Variants in TP63 observed in about 807,000 individuals in gnomAD.
The protein encoded by TP63 is tumor protein 63.
Under a neutral mutation model 82.8 loss-of-function variants are expected in TP63, and 17 were observed. That is an observed-to-expected ratio of 0.21 (90% confidence interval 0.14 to 0.31). The LOEUF is 0.31. Ranked by LOEUF, TP63 falls within the 10% of genes least tolerant of loss-of-function variation. TP63 has a pLI of 1.00. For missense variants in TP63, 648 were observed against 895.3 expected (o/e 0.72, Z 3.52); for synonymous variants, 330 against 321.7 (o/e 1.03, Z -0.28).
At chr3:189,641,028 A>C (rs554821186) in intron 1 of TP63, among the ~76,000 whole-genome samples, 3 of 152,166 alleles carry the variant, frequency 2.0e-5, no homozygotes, top group African/African-American at 4.8e-5. Flanking sequence ...AGTACATTTA[A>C]GAAGATTTGT....
intron 3 of TP63, among the ~76,000 whole-genome samples, chr3:189,791,256 G>A (rs111665649): frequency 2.8e-4 from 42 of 152,094 alleles, no homozygotes; most frequent in South Asian, 1.5e-3. Flanking sequence ...TTTATAAGCC[G>A]CCTAGGATCT....
chr3:189,697,254 A>G (rs1481214620), intron 1 of TP63, among the ~76,000 whole-genome samples: 1 of 117,686 alleles, frequency 8.5e-6, no homozygotes, highest in Non-Finnish European at 1.7e-5. Context: ...TTTTTTGCAT[A>G]TGGACACTCG....
chr3:189,850,402 A>T (rs1237475791), intron 4 of TP63, among the ~76,000 whole-genome samples: 1 of 152,226 alleles, frequency 6.6e-6, no homozygotes, highest in East Asian at 1.9e-4. Context: ...TATTGCTTCA[A>T]ATCTTTTCCT....
intron 1 of TP63, among the ~76,000 whole-genome samples, chr3:189,725,480 C>G (rs1022112287): frequency 6.6e-6 from 1 of 152,160 alleles, no homozygotes; most frequent in African/African-American, 2.4e-5. Flanking sequence ...GCCACCAAAA[C>G]TTAATAATAC....
At chr3:189,645,441 T>C in intron 1 of TP63, 1 of 364,504 alleles carries the variant, frequency 2.7e-6, no homozygotes, top group African/African-American at 2.1e-5. Flanking sequence ...CTGGTCTATT[T>C]CTAGGATTAT....
chr3:189,607,220 C>T, the TP63 span, among the ~76,000 whole-genome samples: 3 of 152,100 alleles, frequency 2.0e-5, no homozygotes, highest in African/African-American at 7.2e-5. Context: ...ATGTGATATC[C>T]TCAATTAGAT....
intron 10 of TP63, chr3:189,879,977 A>G: frequency 3.3e-6 from 5 of 1,535,092 alleles, no homozygotes; most frequent in East Asian, 2.3e-5. Flanking sequence ...TCATGAAGGT[A>G]TAAGGAGTGT....
chr3:189,737,603 G>T (rs938229121), intron 1 of TP63, 137 bp from the exon 2 acceptor site: 1 of 1,123,830 alleles, frequency 8.9e-7, no homozygotes, highest in Non-Finnish European at 1.3e-6. Flanking sequence ...TGTGCAACTT[G>T]TAACATGTGC....
chr3:189,843,290 G>GGCTC (rs1714396650), intron 4 of TP63, among the ~76,000 whole-genome samples: 2 of 112,152 alleles, frequency 1.8e-5, no homozygotes, highest in African/African-American at 8.2e-5. Flanking sequence ...AGGCCCAGTG[G>GGCTC]GCTCCTGGCT....
At chr3:189,713,749 T>G (rs1037373293) in intron 1 of TP63, among the ~76,000 whole-genome samples, 17 of 152,158 alleles carry the variant, frequency 1.1e-4, no homozygotes, top group African/African-American at 4.1e-4. Context: ...TATATCCCTC[T>G]TCATAATTAT....
chr3:189,730,601 C>G (rs1343869266), intron 1 of TP63, among the ~76,000 whole-genome samples: 1 of 152,296 alleles, frequency 6.6e-6, no homozygotes, highest in East Asian at 1.9e-4. Flanking sequence ...CCTTGCTGAA[C>G]GTAAAGATCA....
chr3:189,711,362 C>T (rs1718580768), intron 1 of TP63, among the ~76,000 whole-genome samples: 1 of 152,116 alleles, frequency 6.6e-6, no homozygotes, highest in Non-Finnish European at 1.5e-5. Flanking sequence ...GGTTCTACCT[C>T]ATCTTTAGCA....
intron 13 of TP63, among the ~76,000 whole-genome samples, chr3:189,892,485 G>T (rs967538384): frequency 6.6e-6 from 1 of 152,116 alleles, no homozygotes; most frequent in African/African-American, 2.4e-5. Flanking sequence ...AAGAATCCAA[G>T]AAACATAAAA....
At chr3:189,863,216 G>GC (rs57898901) in intron 4 of TP63, among the ~76,000 whole-genome samples, 8,549 of 152,066 alleles carry the variant, frequency 0.056, 317 homozygotes, top group Middle Eastern at 0.14. Flanking sequence ...GTTACTAGGT[G>GC]CCCCACTCTT....
At chr3:189,695,628 A>T in intron 1 of TP63, among the ~76,000 whole-genome samples, 1 of 152,200 alleles carries the variant, frequency 6.6e-6, no homozygotes, top group South Asian at 2.1e-4. Flanking sequence ...AAATATTTCT[A>T]TGTGGAACTA....
chr3:189,894,320 A>G lies in TP63; in HGVS notation c.1861A>G (p.Ser621Gly), dbSNP rs1379436019. Residue 621 changes from serine to glycine, a missense_variant, in exon 14 of 14, where the codon AGC (serine) becomes GGC (glycine). Ser to Gly is a moderately conservative substitution (Grantham distance 56). Transcript: ENST00000264731. ...CCCTTCTCATCTCCTGCGGACCCCA[A>G]GCAGTGCCTCTACAGTCAGTGTGGG... ...SSPSHLLRTP[S>G]SASTVSVGSS... 5.0e-6 allele frequency: 8 copies of G among 1,613,868 alleles called. No individual in the cohort carries two copies. The East Asian group carries it at 1.6e-4, about 31-fold the overall frequency.
intron 4 of TP63, among the ~76,000 whole-genome samples, chr3:189,855,122 G>T (rs1329947124): frequency 6.6e-6 from 1 of 152,136 alleles, no homozygotes; most frequent in East Asian, 1.9e-4. Flanking sequence ...ATGGCGGATA[G>T]AAAGTGGAGA....
chr3:189,737,241 G>C (rs182120386), intron 1 of TP63, among the ~76,000 whole-genome samples: 59 of 152,168 alleles, frequency 3.9e-4, no homozygotes, highest in African/African-American at 1.3e-3. Context: ...TAAGATTGCG[G>C]TTATGGGAGG....
At chr3:189,771,470 T>C (rs891285104) in intron 3 of TP63, among the ~76,000 whole-genome samples, 1 of 142,688 alleles carries the variant, frequency 7.0e-6, no homozygotes, top group Non-Finnish European at 1.5e-5. Context: ...ATATAATATT[T>C]AATATATAAT....
Sources: allele counts gnomAD v4.1 joint callset (sites outside exome capture counted in the v4.1 genomes callset), GRCh38; gene constraint gnomAD v4.1.1; transcripts MANE v1.5; gene names NCBI Gene and HGNC (gene_info 2026-07-23, HGNC 2026-07-21).